Variants in CERK observed in about 807,000 individuals in gnomAD.
The protein encoded by CERK is acylsphingosine kinase.
Under a neutral mutation model 63.4 loss-of-function variants are expected in CERK, and 39 were observed. The observed-to-expected ratio is 0.61, with a 90% CI of 0.48 to 0.80. The LOEUF (loss-of-function observed/expected upper bound fraction) is 0.80, where lower values mean the gene tolerates loss of function less well. CERK is among the 30% of genes least tolerant of loss of function. The probability of loss-of-function intolerance (pLI) is 0.00; values close to 1 mark genes in which losing one functional copy is unlikely to be tolerated. For synonymous variants in CERK, 302 were observed against 280.0 expected (o/e 1.08, Z -0.78); for missense variants, 670 against 714.1 (o/e 0.94, Z 0.70).
chr22:46,726,660 G>T (rs1211599517), intron 1 of CERK, among the ~76,000 whole-genome samples: 3 of 152,174 alleles, frequency 2.0e-5, no homozygotes, highest in African/African-American at 7.2e-5. Flanking sequence ...AATTAAAGGT[G>T]AGTGCTTGCC....
Position 46,686,098 on chromosome 22 carries a change from G to A in CERK, c.*1036C>T, listed in dbSNP as rs1004893566. ...TCGCCGGAGCCCTCGCGCTGCAGAG[G>A]AAACCAGCGATCCATCGTGGCTTCG... On this transcript the variant is annotated 3_prime_UTR_variant, in exon 13 of 13. Coordinates refer to ENST00000216264, the MANE Select transcript of CERK (RefSeq NM_022766.6). 7 of 152,174 alleles carry A rather than the reference G, an allele frequency of 4.6e-5. No homozygotes were observed. The highest frequency in any genetic ancestry group is 1.0e-4 in the Non-Finnish European group (7 of 68,036). The allele number at this position is 152,174 out of a possible 1,614,324, so 9.4% of individuals were successfully genotyped here. A position where few individuals can be genotyped will look rare whatever the true frequency, so the allele number is the denominator to read the frequency against.
chr22:46,688,223 G>T (rs1367304443), intron 12 of CERK, among the ~76,000 whole-genome samples: 1 of 152,040 alleles, frequency 6.6e-6, no homozygotes, highest in Non-Finnish European at 1.5e-5. Context: ...TAAGTGACAG[G>T]CTGTTTCCAT....
At chr22:46,716,917 A>G (rs1042919148) in intron 3 of CERK, among the ~76,000 whole-genome samples, 2 of 151,610 alleles carry the variant, frequency 1.3e-5, no homozygotes, top group Non-Finnish European at 2.9e-5. Flanking sequence ...CCTGGGCAAC[A>G]GAGCGAGACT....
rs192533399 is a variant in CERK, at chr22:46,690,880, G to T, written c.1333-680C>A. 9.2e-5 allele frequency among the ~76,000 whole-genome samples: 14 copies of T among 152,216 alleles called. No individual in the cohort carries two copies. In the East Asian group the frequency reaches 2.3e-3, roughly 25 times the overall value. Reference sequence around the variant, plus strand: ...GTTTTTAAATAGGAAGAGAAACAACGGGTAAGAAGTTGTATTATAAAGATT... The same window carrying T: ...GTTTTTAAATAGGAAGAGAAACAACTGGTAAGAAGTTGTATTATAAAGATT... On this transcript the variant is annotated intron_variant, in intron 11 of 12. Transcript: ENST00000216264.
At chr22:46,707,817 CAG>C (rs766966154) in intron 6 of CERK, 24 bp downstream of exon 6, 1 of 1,590,280 alleles carries the variant, frequency 6.3e-7, no homozygotes, top group Non-Finnish European at 8.6e-7. Context: ...ACGAAGAGAA[CAG>C]AGAATGCCAG....
chr22:46,733,292 TA>T (rs2082955650), intron 1 of CERK, among the ~76,000 whole-genome samples: 1 of 150,894 alleles, frequency 6.6e-6, no homozygotes, highest in Admixed American at 6.6e-5. Flanking sequence ...ATTTTTATTT[TA>T]TTATTATTAT....
At chr22:46,699,077 T>C (rs1042658575) in intron 8 of CERK, among the ~76,000 whole-genome samples, 1 of 152,118 alleles carries the variant, frequency 6.6e-6, no homozygotes, top group African/African-American at 2.4e-5. Flanking sequence ...TCATGGTGTC[T>C]ACTCTGTGGC....
At chr22:46,718,524 C>T (rs545987378) in intron 3 of CERK, among the ~76,000 whole-genome samples, 1 of 152,272 alleles carries the variant, frequency 6.6e-6, no homozygotes, top group Admixed American at 6.5e-5. Context: ...TTCACGACAG[C>T]AGGTGGTGGA....
chr22:46,698,356 C>T (rs557015387), intron 8 of CERK, among the ~76,000 whole-genome samples: 8 of 152,364 alleles, frequency 5.3e-5, no homozygotes, highest in African/African-American at 1.9e-4. Context: ...TTCATGGACA[C>T]GTCCCTGCCT....
intron 3 of CERK, among the ~76,000 whole-genome samples, chr22:46,719,148 T>TTGTGTGTG (rs10583580): frequency 0.034 from 5,127 of 149,920 alleles, 98 homozygotes; most frequent in African/African-American, 0.045. Context: ...ACCTACCACT[T>TTGTGTGTG]TGTGTGTGTG....
At chr22:46,731,065 T>G (rs956151166) in intron 1 of CERK, among the ~76,000 whole-genome samples, 42 of 152,248 alleles carry the variant, frequency 2.8e-4, no homozygotes, top group African/African-American at 9.6e-4. Flanking sequence ...CCACAACCTC[T>G]GCCAGGGCTG....
chr22:46,690,127 T>C lies in CERK; in HGVS notation c.1406A>G (p.Asp469Gly). The C allele has an allele frequency of 6.2e-7, 1 of 1,613,996 alleles. No individual in the cohort carries two copies. The highest frequency in any genetic ancestry group is 8.5e-7 in the Non-Finnish European group (1 of 1,179,970). Reference sequence around the variant, plus strand: ...CTTCCCCCCCTCCTTGAGGTCGCTGTCCTCATCCTCCATGTGCTTCGACGT... The same window carrying C: ...CTTCCCCCCCTCCTTGAGGTCGCTGCCCTCATCCTCCATGTGCTTCGACGT... ...QFTSKHMEDE[D>G]SDLKEGGKKR... is the part of the protein sequence containing the mutation. Residue 469 changes from aspartate to glycine, a missense_variant, in exon 12 of 13, where the codon GAC (aspartate) becomes GGC (glycine). By Grantham distance (94) the Asp-to-Gly change is moderately conservative (BLOSUM62 -1). Coordinates refer to ENST00000216264, the MANE Select transcript of CERK (RefSeq NM_022766.6).
intron 1 of CERK, among the ~76,000 whole-genome samples, chr22:46,730,808 C>T (rs2082941720): frequency 1.3e-5 from 2 of 152,206 alleles, no homozygotes; most frequent in African/African-American, 4.8e-5. Context: ...TGGGGGTTTC[C>T]TTTGCCTCGT....
chr22:46,687,068 T>C lies in CERK; in HGVS notation c.*66A>G. 2 of 1,261,034 alleles carry C rather than the reference T, an allele frequency of 1.6e-6. No individual in the cohort carries two copies. The highest frequency in any genetic ancestry group is 2.3e-6 in the Non-Finnish European group (2 of 865,560). 78.1% of individuals were successfully genotyped at this position (1,261,034 alleles called of 1,614,324 possible). A position where few individuals can be genotyped will look rare whatever the true frequency, so the allele number is the denominator to read the frequency against. ...ATTTAAATGTATATATCAACATAATTGGTCTGTAATAATTATCTTAAATAG... is the reference window on the plus strand; with the variant it reads ...ATTTAAATGTATATATCAACATAATCGGTCTGTAATAATTATCTTAAATAG... On this transcript the variant is annotated 3_prime_UTR_variant, in exon 13 of 13. Coordinates refer to ENST00000216264, the MANE Select transcript of CERK (RefSeq NM_022766.6).
intron 6 of CERK, among the ~76,000 whole-genome samples, chr22:46,705,050 C>T (rs997603257): frequency 3.9e-5 from 6 of 152,250 alleles, no homozygotes; most frequent in South Asian, 2.1e-4. Flanking sequence ...AAAGTTAAAC[C>T]ACAGACAAAC....
intron 1 of CERK, among the ~76,000 whole-genome samples, chr22:46,727,995 A>C (rs978834218): frequency 2.6e-5 from 4 of 152,198 alleles, no homozygotes; most frequent in African/African-American, 9.7e-5. Flanking sequence ...GCCAACACAC[A>C]GGACTTTGCT....
intron 1 of CERK, among the ~76,000 whole-genome samples, chr22:46,732,998 G>C (rs1339117140): frequency 1.3e-5 from 2 of 151,864 alleles, no homozygotes; most frequent in Non-Finnish European, 2.9e-5. Flanking sequence ...CACGAGGTCA[G>C]GAGATTGAGA....
intron 5 of CERK, among the ~76,000 whole-genome samples, chr22:46,710,835 C>T (rs1485918580): frequency 1.3e-5 from 2 of 152,240 alleles, no homozygotes; most frequent in Non-Finnish European, 2.9e-5. Flanking sequence ...ATAAGCACAT[C>T]TTCTGAAAGA....
At chr22:46,700,928 T>C (rs2082780279) in intron 7 of CERK, among the ~76,000 whole-genome samples, 1 of 151,696 alleles carries the variant, frequency 6.6e-6, no homozygotes, top group Non-Finnish European at 1.5e-5. Context: ...GGAGAATCGC[T>C]TGAACTTGGG....
Sources: allele counts gnomAD v4.1 joint callset (sites outside exome capture counted in the v4.1 genomes callset), GRCh38; gene constraint gnomAD v4.1.1; transcripts MANE v1.5; gene names NCBI Gene and HGNC (gene_info 2026-07-23, HGNC 2026-07-21).